Variants in CUX2 observed in about 807,000 individuals in gnomAD.
The protein encoded by CUX2 is cut like homeobox 2.
Under a neutral mutation model 144.8 loss-of-function variants are expected in CUX2, and 40 were observed. The ratio of observed to expected loss-of-function variants is 0.28; its 90% CI spans 0.21 to 0.36. The LOEUF is 0.36. Ranked by LOEUF, CUX2 falls within the 10% of genes least tolerant of loss-of-function variation. The probability of loss-of-function intolerance (pLI) is 1.00; values close to 1 mark genes in which losing one functional copy is unlikely to be tolerated. For missense variants in CUX2, 1,615 were observed against 1,994.0 expected (o/e 0.81, Z 3.62); for synonymous variants, 827 against 875.6 (o/e 0.94, Z 0.98).
chr12:111,052,290 G>A (rs1207077594), intron 1 of CUX2, among the ~76,000 whole-genome samples: 1 of 152,148 alleles, frequency 6.6e-6, no homozygotes, highest in Non-Finnish European at 1.5e-5. Context: ...TACCATAGCA[G>A]GTGTCAGACA....
rs553174888 is a variant in CUX2, at chr12:111,036,169, G to T, written c.63+1929G>T. Among the ~76,000 whole-genome samples, 3 of 152,228 alleles carry T rather than the reference G, an allele frequency of 2.0e-5. No homozygotes were observed. In the South Asian group the frequency reaches 6.2e-4, roughly 31 times the overall value. Reference sequence around the variant, plus strand: ...CCAGAAGGGCTGGCGAAAGCCCTTTGCAGGGTCCTATTGTTATTCTGGGCT... The same window carrying T: ...CCAGAAGGGCTGGCGAAAGCCCTTTTCAGGGTCCTATTGTTATTCTGGGCT... On this transcript the variant is annotated intron_variant, in intron 1 of 21. Coordinates refer to ENST00000261726, the MANE Select transcript of CUX2 (RefSeq NM_015267.4).
intron 1 of CUX2, among the ~76,000 whole-genome samples, chr12:111,133,811 T>G (rs889056521): frequency 1.3e-5 from 2 of 152,118 alleles, no homozygotes; most frequent in African/African-American, 4.8e-5. Flanking sequence ...GTTAATTCCC[T>G]CAGTAGGACG....
chr12:111,324,091 C>T (rs150481160), intron 18 of CUX2, among the ~76,000 whole-genome samples: 3,564 of 152,036 alleles, frequency 0.023, 59 homozygotes, highest in Non-Finnish European at 0.033. Context: ...TGGCTCACAC[C>T]TGTAATCCCA....
chr12:111,036,475 C>G (rs1186849881), intron 1 of CUX2, among the ~76,000 whole-genome samples: 1 of 152,070 alleles, frequency 6.6e-6, no homozygotes. Context: ...AGCTGGACGC[C>G]CATTAATCTG....
chr12:111,193,679 G>GTGTGGGGGC (rs1194253005), intron 1 of CUX2, among the ~76,000 whole-genome samples: 2 of 152,230 alleles, frequency 1.3e-5, no homozygotes, highest in African/African-American at 4.8e-5. Flanking sequence ...GGCGCTGGAG[G>GTGTGGGGGC]TGTGGGGGCT....
intron 2 of CUX2, among the ~76,000 whole-genome samples, chr12:111,217,644 A>G (rs1881618401): frequency 6.6e-6 from 1 of 151,880 alleles, no homozygotes; most frequent in Non-Finnish European, 1.5e-5. Flanking sequence ...GAAATTCCCA[A>G]CATGCATTAT....
chr12:111,163,433 A>G (rs1476133770), intron 1 of CUX2, among the ~76,000 whole-genome samples: 2 of 152,184 alleles, frequency 1.3e-5, no homozygotes, highest in African/African-American at 4.8e-5. Context: ...CTTCGCTGTG[A>G]CTTATATATG....
chr12:111,126,396 G>A (rs1875088617), intron 1 of CUX2, among the ~76,000 whole-genome samples: 1 of 152,204 alleles, frequency 6.6e-6, no homozygotes, highest in Non-Finnish European at 1.5e-5. Flanking sequence ...ACAGGCAGAA[G>A]TCCCAAGATC....
intron 1 of CUX2, among the ~76,000 whole-genome samples, chr12:111,203,051 G>T (rs1208633285): frequency 6.6e-6 from 1 of 152,038 alleles, no homozygotes; most frequent in Non-Finnish European, 1.5e-5. Context: ...GGCCAATGTG[G>T]TGAAACCCCA....
At chr12:111,126,134 A>G (rs1875061924) in intron 1 of CUX2, among the ~76,000 whole-genome samples, 2 of 142,658 alleles carry the variant, frequency 1.4e-5, no homozygotes, top group South Asian at 2.2e-4. Context: ...TTTAAGATGG[A>G]GTCTCACTCT....
At chr12:111,064,619 C>T (rs1870946036) in intron 1 of CUX2, among the ~76,000 whole-genome samples, 2 of 152,168 alleles carry the variant, frequency 1.3e-5, no homozygotes, top group African/African-American at 2.4e-5. Flanking sequence ...TTGCAAGATT[C>T]CCCCAAATCT....
At position 111,347,815 on chromosome 12, in the gene CUX2, C is replaced by T. The variant is rs1565938895; in HGVS notation, c.3951C>T (p.Asp1317=). Residue 1317 remains aspartate (D), a synonymous_variant, in exon 22 of 22, where the codon GAC becomes GAT. Transcript: ENST00000261726. ...AAGAGGCAGGCAGCCAGCCCCAGGA[C>T]TCAGGGGAGCTGGACAAAGGCCAAG... ...AEEEAGSQPQ[D]SGELDKGQGP... The T allele has an allele frequency of 1.2e-6, 2 of 1,614,078 alleles. No homozygotes were observed. The highest frequency in any genetic ancestry group is 1.3e-5 in the African/African-American group (1 of 75,014).
At chr12:111,226,729 C>T (rs930900057) in intron 3 of CUX2, among the ~76,000 whole-genome samples, 1 of 152,074 alleles carries the variant, frequency 6.6e-6, no homozygotes, top group East Asian at 1.9e-4. Flanking sequence ...TGGCCTTGTG[C>T]GAATGTTGTA....
At chr12:111,193,766 T>A (rs1375680189) in intron 1 of CUX2, among the ~76,000 whole-genome samples, 1 of 152,118 alleles carries the variant, frequency 6.6e-6, no homozygotes, top group African/African-American at 2.4e-5. Context: ...GGCCTCCGCC[T>A]CCTGATGAGA....
At chr12:111,161,711 G>A (rs1484531286) in intron 1 of CUX2, among the ~76,000 whole-genome samples, 1 of 152,136 alleles carries the variant, frequency 6.6e-6, no homozygotes, top group Non-Finnish European at 1.5e-5. Context: ...ACTCTATGCT[G>A]AGTGTCGCTG....
intron 4 of CUX2, among the ~76,000 whole-genome samples, chr12:111,275,121 A>T (rs903342668): frequency 2.0e-5 from 3 of 152,186 alleles, no homozygotes; most frequent in Non-Finnish European, 2.9e-5. Flanking sequence ...TTTGGATCCC[A>T]TGTAACCAAA....
chr12:111,331,462 A>G (rs1427930017), intron 18 of CUX2, among the ~76,000 whole-genome samples: 1 of 152,016 alleles, frequency 6.6e-6, no homozygotes, highest in African/African-American at 2.4e-5. Flanking sequence ...ATGCTTGCCA[A>G]CCCATTAGGG....
At chr12:111,170,545 CTTTTTTTT>C (rs34282526) in intron 1 of CUX2, among the ~76,000 whole-genome samples, 1 of 79,950 alleles carries the variant, frequency 1.3e-5, no homozygotes, top group African/African-American at 5.8e-5. Flanking sequence ...CCCAGCTCTT[CTTTTTTTT>C]TTTTTTTTTT....
At position 111,034,346 on chromosome 12, in the gene CUX2, G is replaced by A. The variant is rs1454221156; in HGVS notation, c.63+106G>A. ...GGCAGGCGGACGCCCTGGGGCGGCGGGCGGCGGCTGCCGGGGCTCGCCGGG... is the reference window on the plus strand; with the variant it reads ...GGCAGGCGGACGCCCTGGGGCGGCGAGCGGCGGCTGCCGGGGCTCGCCGGG... On this transcript the variant is annotated intron_variant, in intron 1 of 21. Transcript: ENST00000261726. The surrounding 1 kb of genome is among the most constrained non-coding windows in gnomAD (Gnocchi z 4.2). 6 of 547,420 alleles carry A rather than the reference G, an allele frequency of 1.1e-5. No homozygotes were observed. The highest frequency in any genetic ancestry group is 1.4e-5 in the Non-Finnish European group (6 of 424,728). 33.9% of individuals were successfully genotyped at this position (547,420 alleles called of 1,614,324 possible).
Sources: allele counts gnomAD v4.1 joint callset (sites outside exome capture counted in the v4.1 genomes callset), GRCh38; gene constraint gnomAD v4.1.1; non-coding constraint Gnocchi (gnomAD v3.1); transcripts MANE v1.5; gene names NCBI Gene and HGNC (gene_info 2026-07-23, HGNC 2026-07-21).